TMEM132D: variants seen among roughly 807,000 people sequenced by gnomAD.
TMEM132D encodes the protein transmembrane protein 132D.
A neutral mutation model predicts 62.3 loss-of-function variants in TMEM132D; 21 were observed. The observed-to-expected ratio is 0.34, with a 90% CI of 0.24 to 0.49. The LOEUF (loss-of-function observed/expected upper bound fraction) is 0.49, where lower values mean the gene tolerates loss of function less well. Among genes scored for constraint, TMEM132D ranks in the 20% least tolerant of loss-of-function variants. The pLI, the probability that TMEM132D is intolerant of heterozygous loss-of-function variation, is 0.99. For missense variants in TMEM132D, 1,346 were observed against 1,402.8 expected (o/e 0.96, Z 0.65); for synonymous variants, 621 against 575.6 (o/e 1.08, Z -1.13).
intron 3 of TMEM132D, among the ~76,000 whole-genome samples, chr12:129,421,890 G>A (rs952898384): frequency 2.6e-5 from 4 of 152,072 alleles, no homozygotes; most frequent in African/African-American, 7.2e-5. Context: ...TAATTAGCAT[G>A]CAATAAAATT....
chr12:129,702,710 C>T (rs1180811085), intron 1 of TMEM132D, among the ~76,000 whole-genome samples: 1 of 152,182 alleles, frequency 6.6e-6, no homozygotes, highest in Non-Finnish European at 1.5e-5. Flanking sequence ...TGCCAGGGAG[C>T]AGAAATGACA....
chr12:129,684,619 T>C (rs896294278), intron 2 of TMEM132D, among the ~76,000 whole-genome samples: 8 of 151,678 alleles, frequency 5.3e-5, no homozygotes, highest in African/African-American at 1.5e-4. Flanking sequence ...CAGATAGAGA[T>C]TGGAAATGTT....
intron 5 of TMEM132D, among the ~76,000 whole-genome samples, chr12:129,153,943 C>T (rs956645959): frequency 6.4e-4 from 97 of 152,294 alleles, no homozygotes; most frequent in African/African-American, 2.2e-3. Context: ...GATGACACAG[C>T]GTGGCTGAGG....
At chr12:129,120,258 G>A (rs757715581) in intron 5 of TMEM132D, among the ~76,000 whole-genome samples, 6 of 152,184 alleles carry the variant, frequency 3.9e-5, no homozygotes, top group African/African-American at 7.2e-5. Flanking sequence ...GGGCAAGAGC[G>A]AAAGACATCA....
chr12:129,639,467 C>A (rs1324337438), intron 2 of TMEM132D, among the ~76,000 whole-genome samples: 1 of 151,350 alleles, frequency 6.6e-6, no homozygotes, highest in Non-Finnish European at 1.5e-5. Context: ...TTCTTTACTC[C>A]AAGGGCTTTA....
intron 1 of TMEM132D, among the ~76,000 whole-genome samples, chr12:129,755,167 C>T (rs902116468): frequency 2.0e-5 from 3 of 152,158 alleles, no homozygotes; most frequent in African/African-American, 4.8e-5. Context: ...GTAACTATGG[C>T]TTTTTGCCCA....
chr12:129,316,975 G>T (rs892637874), intron 4 of TMEM132D, among the ~76,000 whole-genome samples: 2 of 151,988 alleles, frequency 1.3e-5, no homozygotes, highest in African/African-American at 4.8e-5. Context: ...ACTCTTGCTC[G>T]CTTTTGGTGT....
intron 5 of TMEM132D, among the ~76,000 whole-genome samples, chr12:129,159,974 C>T (rs1194342280): frequency 1.3e-5 from 2 of 152,054 alleles, no homozygotes; most frequent in Admixed American, 6.6e-5. Flanking sequence ...TGAGATGCTG[C>T]CTGAGGTAGA....
chr12:129,213,923 C>A (rs939510168), intron 4 of TMEM132D, among the ~76,000 whole-genome samples: 9 of 152,186 alleles, frequency 5.9e-5, no homozygotes, highest in Non-Finnish European at 1.0e-4. Context: ...AGATTGAAAT[C>A]TATTATGATG....
intron 2 of TMEM132D, among the ~76,000 whole-genome samples, chr12:129,550,629 G>T (rs1308403544): frequency 1.3e-5 from 2 of 152,192 alleles, no homozygotes; most frequent in African/African-American, 2.4e-5. Context: ...CTGGGTGAAA[G>T]CTAAGTGCTA....
At position 129,128,263 on chromosome 12, in the gene TMEM132D, T is replaced by C. The variant is rs578197059; in HGVS notation, c.1444-43561A>G. Among the ~76,000 whole-genome samples, 4 of 152,324 alleles carry C rather than the reference T, an allele frequency of 2.6e-5. No homozygotes were observed. The South Asian group carries it at 6.2e-4, about 24-fold the overall frequency. On this transcript the variant is annotated intron_variant, in intron 5 of 8. Coordinates refer to ENST00000422113, the MANE Select transcript of TMEM132D (RefSeq NM_133448.3). The stretch of plus-strand genomic sequence containing the variant: ...TATTTTTATTTTAGATTCAGGGCTG[T>C]ATTAGTCCATTTCTACATTGCTATA...
chr12:129,626,507 G>C (rs1879219368), intron 2 of TMEM132D, among the ~76,000 whole-genome samples: 1 of 151,746 alleles, frequency 6.6e-6, no homozygotes, highest in African/African-American at 2.4e-5. Context: ...GCCCAGGCTG[G>C]AGTGCAGTGG....
At position 129,438,974 on chromosome 12, in the gene TMEM132D, A is replaced by T. The variant is rs536094879; in HGVS notation, c.1115+92085T>A. On this transcript the variant is annotated intron_variant, in intron 3 of 8. Transcript: ENST00000422113. Reference sequence around the variant, plus strand: ...TCTTATTGCAATTCTCTGCAGGATCACTTTGGCCATCTCTGCTGTCCGTGA... The same window carrying T: ...TCTTATTGCAATTCTCTGCAGGATCTCTTTGGCCATCTCTGCTGTCCGTGA... Among the ~76,000 whole-genome samples the T allele has an allele frequency of 3.3e-5, 5 of 152,346 alleles. No individual in the cohort carries two copies. The South Asian group carries it at 8.3e-4, about 25-fold the overall frequency.
intron 1 of TMEM132D, among the ~76,000 whole-genome samples, chr12:129,716,626 G>A (rs1593132594): frequency 6.6e-6 from 1 of 152,116 alleles, no homozygotes; most frequent in Non-Finnish European, 1.5e-5. Flanking sequence ...GGAACCTGTG[G>A]GTAAGTTATC....
At chr12:129,743,776 G>A (rs985001305) in intron 1 of TMEM132D, among the ~76,000 whole-genome samples, 4 of 152,126 alleles carry the variant, frequency 2.6e-5, no homozygotes, top group South Asian at 2.1e-4. Flanking sequence ...GGCCCCTACA[G>A]GAGGGAGACA....
intron 3 of TMEM132D, among the ~76,000 whole-genome samples, chr12:129,525,487 C>T (rs1876002700): frequency 6.6e-6 from 1 of 152,006 alleles, no homozygotes; most frequent in Non-Finnish European, 1.5e-5. Flanking sequence ...GAAATAAAAG[C>T]ATCCTTCATG....
intron 3 of TMEM132D, among the ~76,000 whole-genome samples, chr12:129,363,503 A>G (rs1257331750): frequency 6.6e-6 from 1 of 152,146 alleles, no homozygotes; most frequent in Non-Finnish European, 1.5e-5. Context: ...GGTTTTCTCA[A>G]CTCCCATCTG....
chr12:129,503,380 T>C (rs1451076202), intron 3 of TMEM132D, among the ~76,000 whole-genome samples: 1 of 152,200 alleles, frequency 6.6e-6, no homozygotes, highest in Non-Finnish European at 1.5e-5. Context: ...AAGGTGCTTG[T>C]ATCTTTGTTT....
At chr12:129,466,294 T>C (rs1306162988) in intron 3 of TMEM132D, among the ~76,000 whole-genome samples, 363 of 3,056 alleles carry the variant, frequency 0.12, 1 homozygote, top group African/African-American at 0.21. Flanking sequence ...TTTTTTTTTT[T>C]TTTTTTTTTT....
Sources: gnomAD v4.1 joint callset for allele counts (sites outside exome capture counted in the v4.1 genomes callset) on GRCh38, gnomAD v4.1.1 for gene constraint, MANE v1.5 for transcripts, NCBI Gene and HGNC (gene_info 2026-07-23, HGNC 2026-07-21) for gene names.